Variants in GRIA1 observed in about 807,000 individuals in gnomAD.
The protein encoded by GRIA1 is glutamate ionotropic receptor AMPA type subunit 1.
GRIA1 carries 31 observed loss-of-function variants against 99.2 expected under a neutral mutation model. The ratio of observed to expected loss-of-function variants is 0.31; its 90% CI spans 0.23 to 0.42. The LOEUF (loss-of-function observed/expected upper bound fraction) is 0.42. Ranked by LOEUF, GRIA1 falls within the 10% of genes least tolerant of loss-of-function variation. The probability of loss-of-function intolerance (pLI) is 1.00; values close to 1 mark genes in which losing one functional copy is unlikely to be tolerated. For missense variants in GRIA1, 782 were observed against 1,157.5 expected (o/e 0.68, Z 4.71); for synonymous variants, 438 against 432.4 (o/e 1.01, Z -0.16).
chr5:153,791,098 G>A (rs998331223), intron 13 of GRIA1, among the ~76,000 whole-genome samples: 14 of 151,352 alleles, frequency 9.2e-5, no homozygotes, highest in African/African-American at 1.9e-4. Context: ...AATCGCCCCC[G>A]GGCCACCATT....
At chr5:153,553,589 T>C (rs1760348947) in intron 2 of GRIA1, among the ~76,000 whole-genome samples, 1 of 152,080 alleles carries the variant, frequency 6.6e-6, no homozygotes, top group Admixed American at 6.5e-5. Context: ...TGTTAGTGCT[T>C]GTGAGGAGCC....
chr5:153,527,411 G>A (rs1398771262), intron 2 of GRIA1, among the ~76,000 whole-genome samples: 1 of 152,172 alleles, frequency 6.6e-6, no homozygotes, highest in Non-Finnish European at 1.5e-5. Context: ...TTAAGGAGAT[G>A]CATATTGGAG....
intron 2 of GRIA1, among the ~76,000 whole-genome samples, chr5:153,511,276 A>T (rs2113310634): frequency 6.6e-6 from 1 of 152,312 alleles, no homozygotes; most frequent in East Asian, 1.9e-4. Flanking sequence ...GCTTTTATTG[A>T]CCTGGTTGGC....
intron 11 of GRIA1, among the ~76,000 whole-genome samples, chr5:153,744,773 T>C (rs890702850): frequency 3.3e-5 from 5 of 151,726 alleles, no homozygotes; most frequent in Admixed American, 2.6e-4. Flanking sequence ...TGTACAGTTA[T>C]TAGGTTCTAG....
chr5:153,522,746 A>C (rs1055425011), intron 2 of GRIA1, among the ~76,000 whole-genome samples: 1 of 152,164 alleles, frequency 6.6e-6, no homozygotes, highest in African/African-American at 2.4e-5. Flanking sequence ...AGTTCATTGG[A>C]TCAAGCAAGT....
intron 11 of GRIA1, among the ~76,000 whole-genome samples, chr5:153,712,574 T>A (rs1313282352): frequency 7.2e-6 from 1 of 139,568 alleles, no homozygotes; most frequent in African/African-American, 2.7e-5. Context: ...AACCCATTTC[T>A]CTTGCTCTTC....
chr5:153,526,037 T>C (rs954140061), intron 2 of GRIA1, among the ~76,000 whole-genome samples: 1 of 152,234 alleles, frequency 6.6e-6, no homozygotes. Flanking sequence ...CATTTTCTTG[T>C]GGTGAAAAGG....
intron 2 of GRIA1, among the ~76,000 whole-genome samples, chr5:153,639,663 T>C (rs1026161714): frequency 6.6e-6 from 1 of 151,590 alleles, no homozygotes; most frequent in Non-Finnish European, 1.5e-5. Flanking sequence ...TATTCACATG[T>C]CATCTCTCTC....
At chr5:153,565,637 A>G (rs1761547255) in intron 2 of GRIA1, among the ~76,000 whole-genome samples, 1 of 152,156 alleles carries the variant, frequency 6.6e-6, no homozygotes, top group Non-Finnish European at 1.5e-5. Flanking sequence ...GCAACCATGA[A>G]TCTACCTTCT....
chr5:153,671,836 A>G (rs766136991), intron 5 of GRIA1, among the ~76,000 whole-genome samples: 12 of 152,228 alleles, frequency 7.9e-5, no homozygotes, highest in Non-Finnish European at 1.8e-4. Flanking sequence ...CTCTTAGGAA[A>G]CTGACATTTC....
intron 2 of GRIA1, among the ~76,000 whole-genome samples, chr5:153,588,671 ATAAT>A (rs1341893107): frequency 6.6e-6 from 1 of 152,226 alleles, no homozygotes; most frequent in Admixed American, 6.5e-5. Flanking sequence ...TTTAAATCAG[ATAAT>A]TAAATAAAGC....
chr5:153,747,319 G>A (rs1338808604), intron 11 of GRIA1, among the ~76,000 whole-genome samples: 3 of 152,150 alleles, frequency 2.0e-5, no homozygotes, highest in African/African-American at 7.2e-5. Flanking sequence ...TGCATGAACT[G>A]ATGGAGCAAG....
At chr5:153,543,780 TACTC>T (rs1244410016) in intron 2 of GRIA1, among the ~76,000 whole-genome samples, 3 of 152,206 alleles carry the variant, frequency 2.0e-5, no homozygotes, top group Non-Finnish European at 4.4e-5. Flanking sequence ...GCTTCATAAT[TACTC>T]ATTCATTCAT....
At chr5:153,495,333 C>T (rs1340349444) in intron 2 of GRIA1, among the ~76,000 whole-genome samples, 7 of 152,136 alleles carry the variant, frequency 4.6e-5, no homozygotes, top group Non-Finnish European at 7.4e-5. Context: ...TTGCAGAGTA[C>T]TAGACATTAT....
At chr5:153,565,620 G>A (rs920903296) in intron 2 of GRIA1, among the ~76,000 whole-genome samples, 1 of 152,080 alleles carries the variant, frequency 6.6e-6, no homozygotes, top group African/African-American at 2.4e-5. Context: ...CCACCATCAG[G>A]TTCTAAGCAA....
intron 2 of GRIA1, among the ~76,000 whole-genome samples, chr5:153,548,461 G>T (rs557104851): frequency 5.3e-5 from 8 of 152,252 alleles, no homozygotes; most frequent in African/African-American, 1.9e-4. Flanking sequence ...GAGACTAAAT[G>T]TCCCTGTTGT....
intron 2 of GRIA1, among the ~76,000 whole-genome samples, chr5:153,541,751 G>A (rs1248111167): frequency 1.3e-5 from 2 of 151,936 alleles, no homozygotes; most frequent in African/African-American, 4.8e-5. Context: ...CCAACATAGT[G>A]AAACCCCATC....
intron 2 of GRIA1, among the ~76,000 whole-genome samples, chr5:153,576,647 T>G (rs1330469109): frequency 6.6e-6 from 1 of 152,208 alleles, no homozygotes; most frequent in Non-Finnish European, 1.5e-5. Context: ...TGTTAAAAAA[T>G]TAAAGGTTAT....
chr5:153,555,651 G>A (rs545296900), intron 2 of GRIA1, among the ~76,000 whole-genome samples: 2 of 152,196 alleles, frequency 1.3e-5, no homozygotes, highest in African/African-American at 2.4e-5. Flanking sequence ...AGCTTAGGGC[G>A]GGAAGCGATT....
Sources: allele counts gnomAD v4.1 joint callset (sites outside exome capture counted in the v4.1 genomes callset), GRCh38; gene constraint gnomAD v4.1.1; transcripts MANE v1.5; gene names NCBI Gene and HGNC (gene_info 2026-07-23, HGNC 2026-07-21).